CASR: variants seen among roughly 807,000 people sequenced by gnomAD.
CASR encodes the protein calcium sensing receptor.
Under a neutral mutation model 69.1 loss-of-function variants are expected in CASR, and 23 were observed. The observed-to-expected ratio is 0.33, with a 90% CI of 0.24 to 0.47. CASR has a LOEUF of 0.47. Among genes scored for constraint, CASR ranks in the 20% least tolerant of loss-of-function variants. CASR has a pLI of 1.00. For missense variants in CASR, 924 were observed against 1,356.1 expected (o/e 0.68, Z 5.00); for synonymous variants, 541 against 544.7 (o/e 0.99, Z 0.10).
chr3:122,190,028 T>A (rs1442194063), intron 1 of CASR, among the ~76,000 whole-genome samples: 2 of 152,202 alleles, frequency 1.3e-5, no homozygotes, highest in Non-Finnish European at 2.9e-5. Context: ...ATCTCCAGTC[T>A]GGTAGCCCTT....
intron 3 of CASR, among the ~76,000 whole-genome samples, chr3:122,261,073 C>T (rs2074615786): frequency 6.6e-6 from 1 of 152,106 alleles, no homozygotes; most frequent in Admixed American, 6.5e-5. Context: ...GTGTTTATTG[C>T]AGTAAAGGGA....
chr3:122,270,188 A>G (rs2074743128), intron 4 of CASR, among the ~76,000 whole-genome samples: 2 of 152,186 alleles, frequency 1.3e-5, no homozygotes, highest in Non-Finnish European at 2.9e-5. Flanking sequence ...AATGGATAGA[A>G]TGCTATTTAG....
chr3:122,272,847 A>C (rs2074775353), intron 4 of CASR, among the ~76,000 whole-genome samples: 1 of 152,226 alleles, frequency 6.6e-6, no homozygotes, highest in African/African-American at 2.4e-5. Flanking sequence ...ACTTTAAGAA[A>C]ATGATTTTTG....
At chr3:122,214,468 G>C (rs2074097451) in intron 1 of CASR, among the ~76,000 whole-genome samples, 1 of 152,032 alleles carries the variant, frequency 6.6e-6, no homozygotes, top group Non-Finnish European at 1.5e-5. Flanking sequence ...GATAATGAAG[G>C]GATGACATTG....
intron 1 of CASR, among the ~76,000 whole-genome samples, chr3:122,252,924 A>G (rs778690947): frequency 2.0e-5 from 3 of 152,222 alleles, no homozygotes; most frequent in Admixed American, 6.5e-5. Context: ...GTAATTGGTA[A>G]TTGACTCACA....
chr3:122,251,770 C>T (rs1448418710), intron 1 of CASR, among the ~76,000 whole-genome samples: 1 of 152,234 alleles, frequency 6.6e-6, no homozygotes, highest in Non-Finnish European at 1.5e-5. Flanking sequence ...TTACTAGTTA[C>T]ATTGTGCTAA....
At chr3:122,252,513 GAAAGAA>G (rs1235305051) in intron 1 of CASR, among the ~76,000 whole-genome samples, 3 of 16,334 alleles carry the variant, frequency 1.8e-4, no homozygotes, top group Non-Finnish European at 4.9e-4. Context: ...GAGAGAGAGA[GAAAGAA>G]AGAAGGCGGG....
intron 1 of CASR, among the ~76,000 whole-genome samples, chr3:122,244,116 G>A (rs12493480): frequency 0.67 from 101,635 of 151,958 alleles, 34,262 homozygotes; most frequent in Admixed American, 0.78. Flanking sequence ...GTATTTGATA[G>A]TATAATGGGA....
At chr3:122,200,888 G>T (rs2073941709) in intron 1 of CASR, among the ~76,000 whole-genome samples, 1 of 151,114 alleles carries the variant, frequency 6.6e-6, no homozygotes, top group Non-Finnish European at 1.5e-5. Context: ...TTGCCAAATT[G>T]TTGCGGTTTC....
At chr3:122,278,198 G>GTAT (rs3050788) in intron 5 of CASR, among the ~76,000 whole-genome samples, 139,753 of 152,100 alleles carry the variant, frequency 0.92, 64,539 homozygotes, top group East Asian at 0.98. Context: ...TAAATGCAAA[G>GTAT]TATTAATATG....
At chr3:122,236,188 G>A (rs1204231475) in intron 1 of CASR, among the ~76,000 whole-genome samples, 1 of 152,208 alleles carries the variant, frequency 6.6e-6, no homozygotes, top group Non-Finnish European at 1.5e-5. Context: ...GGATATATTG[G>A]CTGACCCAGC....
At chr3:122,230,166 G>A (rs578228123) in intron 1 of CASR, among the ~76,000 whole-genome samples, 2 of 152,344 alleles carry the variant, frequency 1.3e-5, no homozygotes, top group Admixed American at 6.5e-5. Context: ...CCCTGGTAGA[G>A]TCTGGGACAT....
chr3:122,226,248 C>T lies in CASR; in HGVS notation c.-242-27700C>T, dbSNP rs575506608. Among the ~76,000 whole-genome samples the T allele has an allele frequency of 2.1e-4, 32 of 152,126 alleles. No individual in the cohort carries two copies. The South Asian group carries it at 6.4e-3, about 31-fold the overall frequency. On this transcript the variant is annotated intron_variant, in intron 1 of 6. Transcript: ENST00000639785. ...CGGAGTTTCTTCCTTCTGGTGGGTT[C>T]GTGGTCTTGCTGGCTCAGGAGTGAA... is the stretch of plus-strand genomic sequence containing the variant.
At chr3:122,240,406 G>A (rs1053414810) in intron 1 of CASR, among the ~76,000 whole-genome samples, 6 of 152,152 alleles carry the variant, frequency 3.9e-5, no homozygotes, top group Non-Finnish European at 8.8e-5. Context: ...CACATGAAAT[G>A]ATTTCAAGAC....
rs200151175 is a variant in CASR at position 122,284,396 on chromosome 3, C to T, written c.2442C>T (p.Phe814=). Residue 814 remains phenylalanine, a synonymous_variant, in exon 7 of 7, where the codon TTC becomes TTT. Coordinates refer to ENST00000639785, the MANE Select transcript of CASR (RefSeq NM_000388.4). ...AKFITFSMLI[F]FIVWISFIPA... is the part of the protein sequence containing the mutation. ...TCATCACCTTCAGCATGCTCATCTT[C>T]TTCATCGTCTGGATCTCCTTCATTC... The T allele has an allele frequency of 3.7e-6, 6 of 1,614,014 alleles. No homozygotes were observed. Among genetic ancestry groups the T allele is most frequent in the Middle Eastern group, 1.6e-4 (1 of 6,084 alleles).
chr3:122,233,788 T>A lies in CASR; in HGVS notation c.-242-20160T>A, dbSNP rs147690075. ...CAGCTCCCGGTGGAACTGACCCATT[T>A]GACAGTATCTAAGGGGAACAAAAAT... On this transcript the variant is annotated intron_variant, in intron 1 of 6. Transcript: ENST00000639785. Among the ~76,000 whole-genome samples the A allele has an allele frequency of 3.0e-4, 45 of 152,302 alleles. No individual in the cohort carries two copies. In the East Asian group the frequency reaches 8.3e-3, roughly 28 times the overall value.
At chr3:122,274,541 T>G in intron 4 of CASR, among the ~76,000 whole-genome samples, 1 of 152,186 alleles carries the variant, frequency 6.6e-6, no homozygotes, top group East Asian at 1.9e-4. Flanking sequence ...AGGCCATTCA[T>G]TAGATGGACT....
chr3:122,243,996 G>C (rs954732804), intron 1 of CASR, among the ~76,000 whole-genome samples: 7 of 152,132 alleles, frequency 4.6e-5, no homozygotes, highest in Non-Finnish European at 1.0e-4. Context: ...CATGAACATT[G>C]AGAGTAGAAA....
At chr3:122,255,558 T>C (rs1287714733) in intron 2 of CASR, among the ~76,000 whole-genome samples, 1 of 152,222 alleles carries the variant, frequency 6.6e-6, no homozygotes, top group Non-Finnish European at 1.5e-5. Flanking sequence ...TGTACCCTGC[T>C]GCACAGAGCT....
Sources: allele counts gnomAD v4.1 joint callset (sites outside exome capture counted in the v4.1 genomes callset), GRCh38; gene constraint gnomAD v4.1.1; transcripts MANE v1.5; gene names NCBI Gene and HGNC (gene_info 2026-07-23, HGNC 2026-07-21).